ATXN1: variants seen among roughly 807,000 people sequenced by gnomAD.
The protein encoded by ATXN1 is ataxin 1.
In ATXN1, 8 loss-of-function variants were observed where a neutral mutation model predicts 56.4. The ratio of observed to expected loss-of-function variants is 0.14; its 90% CI spans 0.08 to 0.26. ATXN1 has a LOEUF of 0.26. Ranked by LOEUF, ATXN1 falls within the 10% of genes least tolerant of loss-of-function variation. ATXN1 has a pLI of 1.00. For synonymous variants in ATXN1, 514 were observed against 494.6 expected (o/e 1.04, Z -0.52); for missense variants, 987 against 1,106.5 (o/e 0.89, Z 1.53).
chr6:16,502,996 A>T (rs1385593385), intron 5 of ATXN1, among the ~76,000 whole-genome samples: 5 of 152,218 alleles, frequency 3.3e-5, no homozygotes, highest in South Asian at 4.1e-4. Context: ...TGATTTTTAA[A>T]ACACTAAGCT....
At chr6:16,659,159 A>G (rs1758265713) in intron 2 of ATXN1, among the ~76,000 whole-genome samples, 1 of 152,198 alleles carries the variant, frequency 6.6e-6, no homozygotes, top group Non-Finnish European at 1.5e-5. Flanking sequence ...ATGCCATTCA[A>G]TTTTCCATCT....
At chr6:16,679,135 GATGGATGA>G (rs200142014) in intron 2 of ATXN1, among the ~76,000 whole-genome samples, 1,559 of 152,016 alleles carry the variant, frequency 0.01, 27 homozygotes, top group African/African-American at 0.035. Flanking sequence ...CAAATAGATA[GATGGATGA>G]ATGGATGGGT....
chr6:16,390,455 C>T (rs781553326), intron 6 of ATXN1, among the ~76,000 whole-genome samples: 1 of 152,166 alleles, frequency 6.6e-6, no homozygotes, highest in East Asian at 1.9e-4. Context: ...CCATAACTGC[C>T]CATCCCTGAA....
intron 5 of ATXN1, among the ~76,000 whole-genome samples, chr6:16,499,939 C>G (rs765941325): frequency 6.6e-6 from 1 of 152,184 alleles, no homozygotes; most frequent in Non-Finnish European, 1.5e-5. Flanking sequence ...GTTCCACCCA[C>G]AGAGATCCTT....
At chr6:16,589,352 A>G (rs905733022) in intron 3 of ATXN1, among the ~76,000 whole-genome samples, 2 of 151,900 alleles carry the variant, frequency 1.3e-5, no homozygotes, top group Admixed American at 1.3e-4. Context: ...GCAGCGTGGC[A>G]CATAAATTAA....
chr6:16,694,644 T>C (rs1759123094), intron 2 of ATXN1, among the ~76,000 whole-genome samples: 1 of 152,200 alleles, frequency 6.6e-6, no homozygotes, highest in Admixed American at 6.5e-5. Flanking sequence ...GAAACACACG[T>C]CAGCCTTAAG....
At position 16,568,215 on chromosome 6, in the gene ATXN1, C is replaced by A. The variant is rs1581850181; in HGVS notation, c.-361+17565G>T. Among the ~76,000 whole-genome samples, 3 of 152,314 alleles carry A rather than the reference C, an allele frequency of 2.0e-5. No homozygotes were observed. The East Asian group carries it at 5.8e-4, about 29-fold the overall frequency. On this transcript the variant is annotated intron_variant, in intron 4 of 7. Transcript: ENST00000436367. ...TACATTGGGAGATAAAATAAAATCACTATTCCAATTCGCAAGAATATTTGA... is the reference window on the plus strand; with the variant it reads ...TACATTGGGAGATAAAATAAAATCAATATTCCAATTCGCAAGAATATTTGA...
At chr6:16,534,636 C>T (rs1341807531) in intron 4 of ATXN1, among the ~76,000 whole-genome samples, 1 of 152,072 alleles carries the variant, frequency 6.6e-6, no homozygotes, top group Non-Finnish European at 1.5e-5. Context: ...TGCAAGCTGG[C>T]TCCACTACAC....
At chr6:16,355,204 G>A (rs922157782) in intron 6 of ATXN1, among the ~76,000 whole-genome samples, 4 of 152,212 alleles carry the variant, frequency 2.6e-5, no homozygotes, top group African/African-American at 9.7e-5. Flanking sequence ...AGTTTGCTGA[G>A]AGCAGAACCC....
At chr6:16,324,812 T>A (rs1760762876) in intron 7 of ATXN1, among the ~76,000 whole-genome samples, 1 of 152,190 alleles carries the variant, frequency 6.6e-6, no homozygotes, top group Non-Finnish European at 1.5e-5. Context: ...TTCCAGTGAC[T>A]CATCTTGGCT....
chr6:16,747,160 G>T (rs546421961), intron 2 of ATXN1, among the ~76,000 whole-genome samples: 17 of 152,026 alleles, frequency 1.1e-4, no homozygotes, highest in South Asian at 6.3e-4. Flanking sequence ...AATGCACAGG[G>T]GCACATTTTA....
At chr6:16,424,706 C>G (rs1023273559) in intron 6 of ATXN1, among the ~76,000 whole-genome samples, 4 of 152,210 alleles carry the variant, frequency 2.6e-5, no homozygotes, top group African/African-American at 7.2e-5. Flanking sequence ...AGAGGATCAG[C>G]TGGGATCTCT....
rs1760880466 is a variant in ATXN1 at position 16,327,949 on chromosome 6, G to A, written c.362C>T (p.Ala121Val). The change falls in exon 7 of 8, where the codon GCT (alanine) becomes GTT (valine). Residue 121 changes from alanine (A) to valine (V), a missense_variant. Coordinates refer to ENST00000436367, the MANE Select transcript of ATXN1 (RefSeq NM_001128164.2). ...PGTPVSPVQY[A>V]HLPHTFQFIG... is the part of the protein sequence containing the mutation. The stretch of plus-strand genomic sequence containing the variant: ...GAACTGGAAGGTGTGCGGCAGGTGA[G>A]CGTACTGCACGGGGGACACCGGGGT... 1 of 1,612,572 alleles carries A rather than the reference G, an allele frequency of 6.2e-7. No homozygotes were observed. The highest frequency in any genetic ancestry group is 8.5e-7 in the Non-Finnish European group (1 of 1,179,910).
chr6:16,708,415 T>TA (rs1759451095), intron 2 of ATXN1, among the ~76,000 whole-genome samples: 1 of 152,332 alleles, frequency 6.6e-6, no homozygotes, highest in Non-Finnish European at 1.5e-5. Flanking sequence ...AAATGTTTAC[T>TA]ACTAGACAAT....
At chr6:16,456,105 C>T (rs529636705) in intron 6 of ATXN1, among the ~76,000 whole-genome samples, 39 of 152,268 alleles carry the variant, frequency 2.6e-4, no homozygotes, top group African/African-American at 7.9e-4. Flanking sequence ...TTTGTCCTGT[C>T]GCTCTTCACA....
At chr6:16,460,995 T>G (rs139621654) in intron 6 of ATXN1, among the ~76,000 whole-genome samples, 2,827 of 152,322 alleles carry the variant, frequency 0.019, 92 homozygotes, top group African/African-American at 0.064. Context: ...CCCCATTAAA[T>G]ACCACAAGGA....
At chr6:16,435,957 G>A (rs1214520363) in intron 6 of ATXN1, among the ~76,000 whole-genome samples, 2 of 152,030 alleles carry the variant, frequency 1.3e-5, no homozygotes, top group Admixed American at 1.3e-4. Flanking sequence ...GAGTGCAGTG[G>A]TGCAATCTTG....
At chr6:16,704,391 C>G (rs1405342274) in intron 2 of ATXN1, among the ~76,000 whole-genome samples, 1 of 152,198 alleles carries the variant, frequency 6.6e-6, no homozygotes, top group Non-Finnish European at 1.5e-5. Flanking sequence ...TCACTACTAA[C>G]AGCTCCTGCG....
chr6:16,427,246 T>G (rs1282106227), intron 6 of ATXN1, among the ~76,000 whole-genome samples: 1 of 152,182 alleles, frequency 6.6e-6, no homozygotes, highest in African/African-American at 2.4e-5. Flanking sequence ...TGATTCTTTG[T>G]GGTGGGGGCT....
Sources: allele counts gnomAD v4.1 joint callset (sites outside exome capture counted in the v4.1 genomes callset), GRCh38; gene constraint gnomAD v4.1.1; transcripts MANE v1.5; gene names NCBI Gene and HGNC (gene_info 2026-07-23, HGNC 2026-07-21).